The following DNMBP variants were observed in gnomAD, a reference collection of about 807,000 sequenced individuals.
The protein encoded by DNMBP is dynamin binding protein, also known as dynamin-binding protein.
In DNMBP, 87 loss-of-function variants were observed where a neutral mutation model predicts 150.0. That is an observed-to-expected ratio of 0.58 (90% CI 0.49 to 0.69). The LOEUF is 0.69. Ranked by LOEUF, DNMBP falls within the 30% of genes least tolerant of loss-of-function variation. The pLI, the probability that DNMBP is intolerant of heterozygous loss-of-function variation, is 0.00. For missense variants in DNMBP, 1,774 were observed against 1,949.0 expected (o/e 0.91, Z 1.69); for synonymous variants, 711 against 750.4 (o/e 0.95, Z 0.86).
chr10:99,955,291 CTT>C lies in DNMBP; in HGVS notation c.2181_2182del (p.Arg728SerfsTer11). Reference sequence around the variant, plus strand: ...CTTGAGATCCTCGAGGGTCTCTGCTCTTGATGATTCATCCTGCTTCTCCTCCA... The same window carrying C: ...CTTGAGATCCTCGAGGGTCTCTGCTCGATGATTCATCCTGCTTCTCCTCCA... On this transcript the variant is annotated frameshift_variant, in exon 4 of 17. Transcript: ENST00000324109. LOFTEE classifies it high-confidence loss of function. 1 of 1,614,086 alleles carries C rather than the reference CTT, an allele frequency of 6.2e-7. No individual in the cohort carries two copies. The highest frequency in any genetic ancestry group is 8.5e-7 in the Non-Finnish European group (1 of 1,180,018).
chr10:99,936,113 C>T (rs560725610), intron 4 of DNMBP, among the ~76,000 whole-genome samples: 11 of 152,116 alleles, frequency 7.2e-5, no homozygotes, highest in South Asian at 4.2e-4. Flanking sequence ...AAATAATCTA[C>T]AAGTGAATAG....
chr10:100,000,211 T>C (rs556880809), intron 1 of DNMBP, among the ~76,000 whole-genome samples: 72 of 152,198 alleles, frequency 4.7e-4, no homozygotes, highest in Admixed American at 4.4e-3. Flanking sequence ...AGTTTCCACA[T>C]TGCAGGGGAG....
intron 12 of DNMBP, among the ~76,000 whole-genome samples, chr10:99,887,879 C>T (rs185605143): frequency 6.6e-6 from 1 of 152,246 alleles, no homozygotes; most frequent in African/African-American, 2.4e-5. Flanking sequence ...GGCTGGAGTA[C>T]AATGGCATGA....
At chr10:99,896,975 A>C (rs1187099529) in intron 9 of DNMBP, among the ~76,000 whole-genome samples, 1 of 152,218 alleles carries the variant, frequency 6.6e-6, no homozygotes, top group Admixed American at 6.5e-5. Flanking sequence ...TCGCATTAGG[A>C]GATTTGAACC....
At chr10:99,965,160 T>G (rs1303323581) in intron 3 of DNMBP, among the ~76,000 whole-genome samples, 2 of 152,142 alleles carry the variant, frequency 1.3e-5, no homozygotes, top group Non-Finnish European at 2.9e-5. Context: ...CCACATGCTT[T>G]CCATGTACAA....
chr10:99,940,315 C>T (rs2040280603), intron 4 of DNMBP, among the ~76,000 whole-genome samples: 1 of 152,190 alleles, frequency 6.6e-6, no homozygotes, highest in Non-Finnish European at 1.5e-5. Context: ...GCTGTATAAT[C>T]TTGGGGAGGT....
Position 99,888,805 on chromosome 10 carries a change from T to C in DNMBP, c.3285+20A>G. The C allele has an allele frequency of 1.2e-6, 2 of 1,613,656 alleles. No individual in the cohort carries two copies. The highest frequency in any genetic ancestry group is 1.7e-6 in the Non-Finnish European group (2 of 1,179,728). ...ATGACCCTGGGAAGGGGGCCAACTT[T>C]TGAAGAAAAAGTTACTTACAAAGTT... On this transcript the variant is annotated intron_variant, in intron 12 of 16. Coordinates refer to ENST00000324109, the MANE Select transcript of DNMBP (RefSeq NM_015221.4).
chr10:99,929,422 T>A (rs2040120415), intron 4 of DNMBP, among the ~76,000 whole-genome samples: 1 of 152,310 alleles, frequency 6.6e-6, no homozygotes, highest in African/African-American at 2.4e-5. Flanking sequence ...ACTGTATATA[T>A]ACTCTTGCTC....
intron 4 of DNMBP, among the ~76,000 whole-genome samples, chr10:99,920,198 C>T (rs2040007112): frequency 1.3e-5 from 2 of 151,958 alleles, no homozygotes; most frequent in African/African-American, 2.4e-5. Flanking sequence ...GCCTCAGCCT[C>T]CCGAGTAGCT....
At position 99,972,083 on chromosome 10, in the gene DNMBP, G is replaced by A. The variant is rs1466805670; in HGVS notation, c.42C>T (p.Cys14=). ...GCGGCAGTTCTTCTGATACGCTAGG[G>A]CAGAAGTCAAAAATGGCTCGAACCA... The part of the protein sequence containing the change: ...GSVVRAIFDF[C]PSVSEELPLF... The change falls in exon 2 of 17, where the codon TGC becomes TGT. Residue 14 remains cysteine (C), a synonymous_variant. Coordinates refer to ENST00000324109, the MANE Select transcript of DNMBP (RefSeq NM_015221.4). 1 of 1,613,682 alleles carries A rather than the reference G, an allele frequency of 6.2e-7. No individual in the cohort carries two copies. The highest frequency in any genetic ancestry group is 1.3e-5 in the African/African-American group (1 of 74,840).
intron 14 of DNMBP, 91 bp from the exon 15 acceptor site, chr10:99,884,300 G>C (rs2039422368): frequency 5.1e-6 from 6 of 1,175,886 alleles, no homozygotes; most frequent in African/African-American, 1.5e-5. Flanking sequence ...TCAGAAATGA[G>C]GCAGGGACAG....
intron 2 of DNMBP, 86 bp downstream of exon 2, chr10:99,971,894 T>G (rs565732014): frequency 1.1e-5 from 14 of 1,241,582 alleles, no homozygotes; most frequent in Non-Finnish European, 1.0e-5. Context: ...CTCACTCTGT[T>G]GCCCAGGCTG....
intron 12 of DNMBP, 30 bp from the exon 13 acceptor site, chr10:99,886,662 G>C: frequency 6.3e-7 from 1 of 1,585,534 alleles, no homozygotes; most frequent in Non-Finnish European, 8.6e-7. Context: ...ACATTGCTCA[G>C]CTGGACAGCA....
chr10:99,907,091 G>A (rs368764418), intron 6 of DNMBP, among the ~76,000 whole-genome samples: 1 of 152,028 alleles, frequency 6.6e-6, no homozygotes, highest in East Asian at 1.9e-4. Context: ...TGGGTAGATC[G>A]CTTAAGCCCA....
At chr10:99,922,279 TC>T (rs1428060306) in intron 4 of DNMBP, among the ~76,000 whole-genome samples, 2 of 152,084 alleles carry the variant, frequency 1.3e-5, no homozygotes, top group South Asian at 2.1e-4. Context: ...CACTCCCCCT[TC>T]CCACTGTACC....
chr10:99,891,983 G>T (rs1451320399), intron 11 of DNMBP, among the ~76,000 whole-genome samples: 1 of 132,358 alleles, frequency 7.6e-6, no homozygotes, highest in Non-Finnish European at 1.6e-5. Context: ...CTGCCCGGCC[G>T]CCCCTACTGG....
At position 99,980,446 on chromosome 10, in the gene DNMBP, C is replaced by CA. The variant is rs35133099; in HGVS notation, c.-10-8313dup. ...TGGGCAACAGAGTAAGACTCCGTCT[C>CA]AAAAAAAAAAAAAAAAAGTTACAAT... On this transcript the variant is annotated intron_variant, in intron 1 of 16. Transcript: ENST00000324109. Among the ~76,000 whole-genome samples the CA allele has an allele frequency of 3.7e-3, 437 of 118,162 alleles. 1 individual carries two copies. The highest frequency in any genetic ancestry group is 0.013 in the South Asian group (48 of 3,680). 77.5% of individuals were successfully genotyped at this position (118,162 alleles called of 152,430 possible).
At chr10:99,933,303 A>G (rs2040181780) in intron 4 of DNMBP, among the ~76,000 whole-genome samples, 1 of 151,446 alleles carries the variant, frequency 6.6e-6, no homozygotes, top group South Asian at 2.1e-4. Context: ...CTCAAAAAAT[A>G]ATAATAATCA....
At chr10:99,951,753 T>A (rs545296257) in intron 4 of DNMBP, among the ~76,000 whole-genome samples, 2 of 152,382 alleles carry the variant, frequency 1.3e-5, no homozygotes, top group Non-Finnish European at 1.5e-5. Flanking sequence ...GTAACTAACT[T>A]GCTTTTGATT....
Sources: allele counts gnomAD v4.1 joint callset (sites outside exome capture counted in the v4.1 genomes callset), GRCh38; gene constraint gnomAD v4.1.1; transcripts MANE v1.5; gene names NCBI Gene and HGNC (gene_info 2026-07-23, HGNC 2026-07-21).